ADCY10: variants seen among roughly 807,000 people sequenced by gnomAD.
ADCY10 encodes adenylate cyclase type 10.
ADCY10 carries 156 observed loss-of-function variants against 183.3 expected under a neutral mutation model. The ratio of observed to expected loss-of-function variants is 0.85; its 90% CI spans 0.75 to 0.97. ADCY10 has a LOEUF of 0.97. Ranked by LOEUF, ADCY10 falls within the 50% of genes least tolerant of loss-of-function variation. The pLI is 0.00. For synonymous variants in ADCY10, 645 were observed against 670.0 expected (o/e 0.96, Z 0.58); for missense variants, 1,745 against 1,934.3 (o/e 0.90, Z 1.84).
At chr1:167,887,006 A>C (rs1316210198) in intron 8 of ADCY10, among the ~76,000 whole-genome samples, 1 of 152,240 alleles carries the variant, frequency 6.6e-6, no homozygotes, top group East Asian at 1.9e-4. Flanking sequence ...ATACCATCTC[A>C]CACCAGTTAG....
At chr1:167,870,804 T>G (rs1667053106) in intron 13 of ADCY10, among the ~76,000 whole-genome samples, 1 of 144,918 alleles carries the variant, frequency 6.9e-6, no homozygotes, top group African/African-American at 2.7e-5. Context: ...CAAAACTCCA[T>G]CTAAAAAAAA....
chr1:167,878,536 G>C lies in ADCY10; in HGVS notation c.1316C>G (p.Ala439Gly), dbSNP rs752239529. Residue 439 changes from alanine (A) to glycine (G), a missense_variant, in exon 12 of 33, where the codon GCG becomes GGG. Coordinates refer to ENST00000367851, the MANE Select transcript of ADCY10 (RefSeq NM_018417.6). The stretch of plus-strand genomic sequence containing the variant: ...CTTTGGAAGCTCTTTAAAAAAGTAC[G>C]CTGGTAGGTTGCTCCCATTGTAGGT... ...SVTYNGSNLP[A>G]YFFKELPKKV... is the part of the protein sequence containing the mutation. 5.0e-6 allele frequency: 8 copies of C among 1,614,082 alleles called. No individual in the cohort carries two copies. The highest frequency in any genetic ancestry group is 5.9e-6 in the Non-Finnish European group (7 of 1,180,016).
At chr1:167,824,137 AGGGTGAAACCCCCTCTCTTCT>A (rs1663104012) in intron 28 of ADCY10, among the ~76,000 whole-genome samples, 4 of 152,138 alleles carry the variant, frequency 2.6e-5, no homozygotes, top group Admixed American at 2.6e-4. Context: ...CCTGGCCAAC[AGGGTGAAACCCCCTCTCTTCT>A]AAAAAATACA....
chr1:167,814,704 T>C (rs1045961546), intron 31 of ADCY10, among the ~76,000 whole-genome samples: 6 of 152,074 alleles, frequency 3.9e-5, no homozygotes, highest in Admixed American at 3.9e-4. Flanking sequence ...TTTGACAAGA[T>C]GAAGAGAGTT....
chr1:167,891,668 A>G (rs909911843), intron 8 of ADCY10, among the ~76,000 whole-genome samples: 15 of 151,504 alleles, frequency 9.9e-5, no homozygotes, highest in Non-Finnish European at 2.1e-4. Flanking sequence ...AAAAAAAAAA[A>G]AAAGAAAGAA....
chr1:167,880,009 G>A, intron 11 of ADCY10, 106 bp downstream of exon 11: 1 of 937,438 alleles, frequency 1.1e-6, no homozygotes, highest in Non-Finnish European at 1.7e-6. Flanking sequence ...AAGTTTCTGA[G>A]GGCAGGGCTC....
chr1:167,893,695 C>CAAAA, intron 8 of ADCY10, among the ~76,000 whole-genome samples, 158 bp downstream of exon 8: 1 of 70,192 alleles, frequency 1.4e-5, no homozygotes, highest in Non-Finnish European at 2.7e-5. Flanking sequence ...GACTCTGTCT[C>CAAAA]AAAAAAAAAA....
intron 31 of ADCY10, among the ~76,000 whole-genome samples, chr1:167,812,931 A>C (rs1485041675): frequency 6.6e-6 from 1 of 152,318 alleles, no homozygotes; most frequent in East Asian, 1.9e-4. Flanking sequence ...TGAAGATAAG[A>C]CAATGGAAAT....
intron 31 of ADCY10, among the ~76,000 whole-genome samples, chr1:167,814,663 AAACATAC>A (rs1365396868): frequency 6.6e-6 from 1 of 152,122 alleles, no homozygotes; most frequent in Non-Finnish European, 1.5e-5. Context: ...TAAATATAAC[AAACATAC>A]ACTTAATGGG....
rs79537924 is a variant in ADCY10 at position 167,871,142 on chromosome 1, A to G, written c.1463-732T>C. Among the ~76,000 whole-genome samples the G allele has an allele frequency of 2.2e-3, 336 of 152,194 alleles. 2 individuals carry two copies. The highest frequency in any genetic ancestry group is 7.8e-3 in the African/African-American group (323 of 41,536). On this transcript the variant is annotated intron_variant, in intron 13 of 32. Transcript: ENST00000367851. ...TATGTAGACTATTACATTAGGAAAT[A>G]AATTTATTAAAGTTAGTTTTCCTAC...
Position 167,902,059 on chromosome 1 carries a change from G to GAAAA in ADCY10, c.254-9_254-6dup. On this transcript the variant is annotated splice_polypyrimidine_tract_variant and splice_region_variant and intron_variant, in intron 3 of 32. Transcript: ENST00000367851. ...CTCCTCCAAAAATCAACACTTCTGAGAAAAAAAAAAAAAATTAAATCAAAC... is the reference window on the plus strand; with the variant it reads ...CTCCTCCAAAAATCAACACTTCTGAGAAAAAAAAAAAAAAAAAATTAAATCAAAC... 7.3e-7 allele frequency: 1 copy of GAAAA among 1,363,504 alleles called. No individual in the cohort carries two copies. Among genetic ancestry groups the GAAAA allele is most frequent in the Non-Finnish European group, 1.0e-6 (1 of 985,684 alleles). 84.5% of individuals were successfully genotyped at this position (1,363,504 alleles called of 1,614,324 possible).
At chr1:167,859,614 A>T (rs1009344084) in intron 16 of ADCY10, among the ~76,000 whole-genome samples, 193 bp downstream of exon 16, 3 of 152,150 alleles carry the variant, frequency 2.0e-5, no homozygotes, top group African/African-American at 4.8e-5. Context: ...ACTCTTTTCA[A>T]GGCATCTAAA....
At chr1:167,872,083 T>G (rs1043742887) in intron 13 of ADCY10, among the ~76,000 whole-genome samples, 1 of 152,156 alleles carries the variant, frequency 6.6e-6, no homozygotes, top group African/African-American at 2.4e-5. Flanking sequence ...GGCTCACGCC[T>G]GTAATCCCAG....
At chr1:167,897,261 A>C (rs936890316) in intron 6 of ADCY10, among the ~76,000 whole-genome samples, 6 of 150,724 alleles carry the variant, frequency 4.0e-5, no homozygotes, top group Non-Finnish European at 8.9e-5. Context: ...TGAGGTGGGC[A>C]GATTGCTTGA....
chr1:167,836,648 G>T, intron 22 of ADCY10, 108 bp from the exon 23 acceptor site: 1 of 799,048 alleles, frequency 1.3e-6, no homozygotes, highest in Non-Finnish European at 2.1e-6. Flanking sequence ...CCAGCAGTTT[G>T]GGAGGCCGAA....
intron 29 of ADCY10, among the ~76,000 whole-genome samples, 168 bp downstream of exon 29, chr1:167,822,840 T>C (rs774705141): frequency 3.9e-5 from 6 of 152,104 alleles, no homozygotes; most frequent in Non-Finnish European, 8.8e-5. Flanking sequence ...TCTCGGCACC[T>C]GCTAGACAGT....
At chr1:167,864,421 C>A (rs1666524169) in intron 14 of ADCY10, among the ~76,000 whole-genome samples, 1 of 152,208 alleles carries the variant, frequency 6.6e-6, no homozygotes, top group Non-Finnish European at 1.5e-5. Context: ...GAAGCCTAGA[C>A]AGGTCCCTTG....
chr1:167,842,940 G>T (rs1407052641), intron 21 of ADCY10, among the ~76,000 whole-genome samples: 3 of 152,194 alleles, frequency 2.0e-5, no homozygotes, highest in Non-Finnish European at 4.4e-5. Flanking sequence ...ATTACTGAAG[G>T]TGTGTGGGAC....
chr1:167,902,073 A>T lies in ADCY10; in HGVS notation c.254-19T>A. 1 of 1,582,400 alleles carries T rather than the reference A, an allele frequency of 6.3e-7. No individual in the cohort carries two copies. ...AACACTTCTGAGAAAAAAAAAAAAA[A>T]TTAAATCAAACCCTGATTCCTTAAA... On this transcript the variant is annotated intron_variant, in intron 3 of 32. Transcript: ENST00000367851.
Sources: gnomAD v4.1 joint callset for allele counts (sites outside exome capture counted in the v4.1 genomes callset) on GRCh38, gnomAD v4.1.1 for gene constraint, MANE v1.5 for transcripts, NCBI Gene and HGNC (gene_info 2026-07-23, HGNC 2026-07-21) for gene names.